The following PREX2 variants were observed in gnomAD, a reference collection of about 807,000 sequenced individuals.
PREX2 encodes phosphatidylinositol 3,4,5-trisphosphate-dependent Rac exchanger 2 protein.
Under a neutral mutation model 203.2 loss-of-function variants are expected in PREX2, and 107 were observed. That is an observed-to-expected ratio of 0.53 (90% CI 0.45 to 0.62). The LOEUF (loss-of-function observed/expected upper bound fraction) is 0.62, where lower values mean the gene tolerates loss of function less well. Among genes scored for constraint, PREX2 ranks in the 20% least tolerant of loss-of-function variants. The pLI is 0.00. For missense variants in PREX2, 1,777 were observed against 1,955.9 expected, an observed-to-expected ratio of 0.91 and a Z score of 1.72; for synonymous variants, 672 against 663.6, an observed-to-expected ratio of 1.01 and a Z score of -0.19.
At chr8:68,062,534 G>A (rs1055590247) in intron 11 of PREX2, among the ~76,000 whole-genome samples, 3 of 152,028 alleles carry the variant, frequency 2.0e-5, no homozygotes, top group Non-Finnish European at 4.4e-5. Context: ...TTTCTTCAAC[G>A]CTCCAAGATG....
intron 31 of PREX2, among the ~76,000 whole-genome samples, chr8:68,131,937 C>T (rs1811018704): frequency 1.3e-5 from 2 of 152,076 alleles, no homozygotes; most frequent in South Asian, 2.1e-4. Context: ...TAAAAATTCA[C>T]CCAGATTTTC....
intron 25 of PREX2, chr8:68,114,351 GA>G: frequency 2.0e-6 from 1 of 497,184 alleles, no homozygotes; most frequent in Non-Finnish European, 4.0e-6. Flanking sequence ...CATTGCTATG[GA>G]AAAATGAGAA....
chr8:67,952,307 T>G lies in PREX2; in HGVS notation c.-88T>G. On this transcript the variant is annotated 5_prime_UTR_variant, in exon 1 of 40. Coordinates refer to ENST00000288368, the MANE Select transcript of PREX2 (RefSeq NM_024870.4). ...AGTTGGCGGAGGCGGCAACTTTCCA[T>G]TCTCGCCGCCGGGGGCCGGGCAGCA... The G allele has an allele frequency of 8.3e-7, 1 of 1,199,126 alleles. No homozygotes were observed. Among genetic ancestry groups the G allele is most frequent in the Non-Finnish European group, 1.1e-6 (1 of 939,728 alleles). The allele number at this position is 1,199,126 out of a possible 1,614,324, so 74.3% of individuals were successfully genotyped here. A position where few individuals can be genotyped will look rare whatever the true frequency, so the allele number is the denominator to read the frequency against.
At chr8:68,187,450 G>A (rs574666787) in intron 35 of PREX2, among the ~76,000 whole-genome samples, 46 of 152,234 alleles carry the variant, frequency 3.0e-4, no homozygotes, top group Middle Eastern at 3.4e-3. Flanking sequence ...GTGTACTTGA[G>A]TTATAGTTAT....
intron 33 of PREX2, among the ~76,000 whole-genome samples, chr8:68,144,965 T>C (rs1421432259): frequency 6.6e-6 from 1 of 152,162 alleles, no homozygotes; most frequent in South Asian, 2.1e-4. Flanking sequence ...GTTGCCTATA[T>C]TGATGCCAAA....
At chr8:68,179,011 GT>G (rs570286638) in intron 35 of PREX2, among the ~76,000 whole-genome samples, 145 of 151,874 alleles carry the variant, frequency 9.5e-4, no homozygotes, top group Middle Eastern at 3.4e-3. Context: ...GGCTACTTAA[GT>G]TTTTTTTCAG....
At chr8:68,186,402 G>A (rs1812188323) in intron 35 of PREX2, among the ~76,000 whole-genome samples, 1 of 152,138 alleles carries the variant, frequency 6.6e-6, no homozygotes, top group Non-Finnish European at 1.5e-5. Context: ...TAAATTTTCA[G>A]TAAACGTTTG....
chr8:68,067,594 A>T (rs1024007178), intron 11 of PREX2, among the ~76,000 whole-genome samples: 7 of 152,068 alleles, frequency 4.6e-5, no homozygotes, highest in African/African-American at 1.7e-4. Context: ...TTGACTTTGT[A>T]TCCTGCAAGT....
intron 1 of PREX2, among the ~76,000 whole-genome samples, chr8:67,992,958 T>C (rs1806650588): frequency 6.6e-6 from 1 of 152,222 alleles, no homozygotes; most frequent in Non-Finnish European, 1.5e-5. Context: ...TATTAGAAAT[T>C]GCAGTTTTTA....
At chr8:68,008,954 G>C (rs1051709219) in intron 1 of PREX2, among the ~76,000 whole-genome samples, 1 of 151,986 alleles carries the variant, frequency 6.6e-6, no homozygotes, top group Non-Finnish European at 1.5e-5. Flanking sequence ...GTATGAAAAC[G>C]GACTGACATG....
intron 39 of PREX2, among the ~76,000 whole-genome samples, chr8:68,228,580 G>A (rs893207144): frequency 6.6e-6 from 1 of 152,018 alleles, no homozygotes; most frequent in African/African-American, 2.4e-5. Flanking sequence ...GGCTAACATG[G>A]TGAAACCCCA....
At chr8:68,134,577 A>G (rs976935373) in intron 32 of PREX2, among the ~76,000 whole-genome samples, 1 of 152,170 alleles carries the variant, frequency 6.6e-6, no homozygotes, top group East Asian at 1.9e-4. Flanking sequence ...CAGAAGAAAA[A>G]GGGTCTTTCT....
At position 68,138,449 on chromosome 8, in the gene PREX2, T is replaced by C. The variant is rs765050918; in HGVS notation, c.4019T>C (p.Val1340Ala). Reference protein sequence around the residue: ...DEQAMLEDTLVALFDLEKVSF... With the variant: ...DEQAMLEDTLAALFDLEKVSF... Reference sequence around the variant, plus strand: ...CAAGCCATGTTAGAAGATACACTGGTTGCACTATTTGATTTGGAAAAGGTT... The same window carrying C: ...CAAGCCATGTTAGAAGATACACTGGCTGCACTATTTGATTTGGAAAAGGTT... The change falls in exon 33 of 40, where the codon GTT becomes GCT. Residue 1340 changes from valine to alanine, a missense_variant. Transcript: ENST00000288368. The C allele has an allele frequency of 2.2e-4, 356 of 1,604,818 alleles. No homozygotes were observed. Among genetic ancestry groups the C allele is most frequent in the Non-Finnish European group, 2.9e-4 (343 of 1,174,642 alleles).
At chr8:68,027,159 G>C (rs1278196547) in intron 4 of PREX2, 63 bp from the exon 5 acceptor site, 1 of 1,223,814 alleles carries the variant, frequency 8.2e-7, no homozygotes, top group Non-Finnish European at 1.2e-6. Flanking sequence ...TTTTATGGTG[G>C]AAGAAAGTTT....
At chr8:68,098,017 C>T (rs187637590) in intron 22 of PREX2, among the ~76,000 whole-genome samples, 221 of 152,190 alleles carry the variant, frequency 1.5e-3, no homozygotes, top group Middle Eastern at 6.8e-3. Context: ...AAGGACATCA[C>T]CTTTGCAGAG....
At chr8:68,088,931 G>A (rs938615391) in intron 19 of PREX2, among the ~76,000 whole-genome samples, 19 of 152,314 alleles carry the variant, frequency 1.2e-4, no homozygotes, top group African/African-American at 4.3e-4. Context: ...TAGTGGTGGG[G>A]TTGGCCTACG....
chr8:68,063,655 A>G (rs1343834333), intron 11 of PREX2, among the ~76,000 whole-genome samples: 2 of 152,202 alleles, frequency 1.3e-5, no homozygotes, highest in Non-Finnish European at 2.9e-5. Flanking sequence ...ATTTCCTGCA[A>G]AAATGACTTA....
At position 68,234,243 on chromosome 8, in the gene PREX2, C is replaced by A. The variant is rs984986669; in HGVS notation, c.*2865C>A. ...CCATGTGACATTGGGCATTAAATGG[C>A]CTTGAGGTTTTAGGATGTGTTTACC... On this transcript the variant is annotated 3_prime_UTR_variant, in exon 40 of 40. Coordinates refer to ENST00000288368, the MANE Select transcript of PREX2 (RefSeq NM_024870.4). 1.3e-5 allele frequency: 2 copies of A among 152,088 alleles called. No individual in the cohort carries two copies. Among genetic ancestry groups the A allele is most frequent in the African/African-American group, 4.8e-5 (2 of 41,414 alleles). The allele number at this position is 152,088 out of a possible 1,614,324, so 9.4% of individuals were successfully genotyped here.
chr8:68,166,605 A>G (rs1027150092), intron 35 of PREX2, among the ~76,000 whole-genome samples: 2 of 152,202 alleles, frequency 1.3e-5, no homozygotes, highest in South Asian at 2.1e-4. Flanking sequence ...TTTAAGTCCA[A>G]TCTTGCAAAA....
Sources: allele counts gnomAD v4.1 joint callset (sites outside exome capture counted in the v4.1 genomes callset), GRCh38; gene constraint gnomAD v4.1.1; transcripts MANE v1.5; gene names NCBI Gene and HGNC (gene_info 2026-07-23, HGNC 2026-07-21).